Variants in NALF1 observed in about 807,000 individuals in gnomAD.
NALF1 encodes the protein family with sequence similarity 155 member A.
A neutral mutation model predicts 48.4 loss-of-function variants in NALF1; 3 were observed. That is an observed-to-expected ratio of 0.06 (90% confidence interval 0.03 to 0.16). NALF1 has a LOEUF of 0.16. Ranked by LOEUF, NALF1 falls within the 10% of genes least tolerant of loss-of-function variation. NALF1 has a pLI of 1.00. For synonymous variants in NALF1, 262 were observed against 245.7 expected (o/e 1.07, Z -0.62); for missense variants, 526 against 571.5 (o/e 0.92, Z 0.81).
At chr13:107,699,164 G>C (rs1054875505) in intron 1 of NALF1, among the ~76,000 whole-genome samples, 8 of 152,052 alleles carry the variant, frequency 5.3e-5, no homozygotes, top group African/African-American at 1.9e-4. Context: ...ATATTTCATG[G>C]AAGTAATGTT....
intron 1 of NALF1, among the ~76,000 whole-genome samples, chr13:107,450,087 C>G (rs987016612): frequency 1.3e-5 from 2 of 152,148 alleles, no homozygotes; most frequent in Non-Finnish European, 2.9e-5. Flanking sequence ...GGCCTTCTAT[C>G]ATCTGTCCCC....
At chr13:107,577,146 A>G (rs963758478) in intron 1 of NALF1, among the ~76,000 whole-genome samples, 4 of 152,186 alleles carry the variant, frequency 2.6e-5, no homozygotes, top group Non-Finnish European at 4.4e-5. Context: ...TCCATCTTCT[A>G]CCATTGACAT....
chr13:107,257,575 A>G (rs537230750), intron 1 of NALF1, among the ~76,000 whole-genome samples: 2 of 151,760 alleles, frequency 1.3e-5, no homozygotes, highest in South Asian at 4.2e-4. Context: ...TCAGAGAATC[A>G]TTGAAATGGG....
At chr13:107,295,315 T>C (rs1332298250) in intron 1 of NALF1, among the ~76,000 whole-genome samples, 1 of 152,218 alleles carries the variant, frequency 6.6e-6, no homozygotes, top group Non-Finnish European at 1.5e-5. Flanking sequence ...GCAAAGGACA[T>C]GATTTCATTA....
In NALF1 at chr13:107,866,081, G is replaced by A. The variant is rs757120301; in HGVS notation, c.516C>T (p.Tyr172=). 2.5e-6 allele frequency: 4 copies of A among 1,613,024 alleles called. No homozygotes were observed. Among genetic ancestry groups the A allele is most frequent in the Non-Finnish European group, 3.4e-6 (4 of 1,179,952 alleles). Residue 172 remains tyrosine, a synonymous_variant, in exon 1 of 3, where the codon TAC becomes TAT. Coordinates refer to ENST00000375915, the MANE Select transcript of NALF1 (RefSeq NM_001080396.3). The surrounding 1 kb of genome is among the most constrained non-coding windows in gnomAD (Gnocchi z 4.4). The part of the protein sequence containing the change: ...AKPVWRLETC[Y]PQGASSGQCF... ...ACTGGCCCGAGGACGCGCCCTGGGG[G>A]TAACAAGTCTCCAGGCGCCACACGG...
At chr13:107,334,749 T>C (rs973348671) in intron 1 of NALF1, among the ~76,000 whole-genome samples, 1 of 152,210 alleles carries the variant, frequency 6.6e-6, no homozygotes, top group Non-Finnish European at 1.5e-5. Flanking sequence ...CTGTTCACAC[T>C]AATTAGAAGC....
At position 107,738,267 on chromosome 13, in the gene NALF1, A is replaced by G. The variant is rs557444264; in HGVS notation, c.915+127415T>C. On this transcript the variant is annotated intron_variant, in intron 1 of 2. Coordinates refer to ENST00000375915, the MANE Select transcript of NALF1 (RefSeq NM_001080396.3). ...AAACACTTTCTAGAATGTTCCCCCA[A>G]TTGATATTGATTCATGCCTATGAGA... 2.0e-5 allele frequency among the ~76,000 whole-genome samples: 3 copies of G among 152,306 alleles called. No individual in the cohort carries two copies. The East Asian group carries it at 5.8e-4, about 29-fold the overall frequency.
At chr13:107,486,492 C>G (rs1885332391) in intron 1 of NALF1, among the ~76,000 whole-genome samples, 1 of 152,046 alleles carries the variant, frequency 6.6e-6, no homozygotes, top group Admixed American at 6.6e-5. Context: ...TTCCGGATCC[C>G]CACATCTCTG....
At chr13:107,865,589 G>C in intron 1 of NALF1, 93 bp downstream of exon 1, 2 of 1,496,754 alleles carry the variant, frequency 1.3e-6, no homozygotes, top group South Asian at 2.7e-5. Flanking sequence ...CAAAACCATA[G>C]CCAAAAAATA....
intron 1 of NALF1, among the ~76,000 whole-genome samples, chr13:107,265,849 CAT>C (rs1881028368): frequency 6.6e-6 from 1 of 152,010 alleles, no homozygotes; most frequent in African/African-American, 2.4e-5. Flanking sequence ...ATTATATAAA[CAT>C]AGACTAAATA....
chr13:107,680,999 TTC>T (rs1881288001), intron 1 of NALF1, among the ~76,000 whole-genome samples: 4 of 151,888 alleles, frequency 2.6e-5, no homozygotes, highest in Non-Finnish European at 5.9e-5. Flanking sequence ...TTTTTCAGTT[TTC>T]TGCCTGTTTT....
At chr13:107,676,696 G>T (rs1881134749) in intron 1 of NALF1, among the ~76,000 whole-genome samples, 1 of 151,352 alleles carries the variant, frequency 6.6e-6, no homozygotes, top group South Asian at 2.1e-4. Flanking sequence ...GAAAGGGGAA[G>T]ATATTTATCT....
At chr13:107,267,051 A>T (rs1881054868) in intron 1 of NALF1, among the ~76,000 whole-genome samples, 2 of 152,180 alleles carry the variant, frequency 1.3e-5, no homozygotes, top group Non-Finnish European at 1.5e-5. Context: ...TGAGGTCCAC[A>T]AGTCAAGTGT....
intron 1 of NALF1, among the ~76,000 whole-genome samples, chr13:107,810,802 G>C (rs1055007655): frequency 2.0e-5 from 3 of 151,964 alleles, no homozygotes; most frequent in African/African-American, 7.2e-5. Flanking sequence ...TGCAAAAAAA[G>C]TCATTCTGTG....
intron 1 of NALF1, among the ~76,000 whole-genome samples, chr13:107,768,277 A>G (rs1254865926): frequency 1.3e-5 from 2 of 152,230 alleles, no homozygotes; most frequent in South Asian, 2.1e-4. Flanking sequence ...TTCTAACATT[A>G]TGGCTCTGAC....
intron 1 of NALF1, among the ~76,000 whole-genome samples, chr13:107,560,729 T>C (rs1017132519): frequency 6.6e-6 from 1 of 152,158 alleles, no homozygotes; most frequent in Non-Finnish European, 1.5e-5. Context: ...CCCACTGGTC[T>C]ACTGGTGTTC....
In NALF1 at chr13:107,646,347, A is replaced by T. The variant is rs1478209964; in HGVS notation, c.915+219335T>A. On this transcript the variant is annotated intron_variant, in intron 1 of 2. Coordinates refer to ENST00000375915, the MANE Select transcript of NALF1 (RefSeq NM_001080396.3). ...ACAGGTAAAAACCTTTCACATTCAC[A>T]TCCTAACATAATAACAGTAGTATCT... is the stretch of plus-strand genomic sequence containing the variant. Among the ~76,000 whole-genome samples, 4 of 151,732 alleles carry T rather than the reference A, an allele frequency of 2.6e-5. No homozygotes were observed. In the East Asian group the frequency reaches 7.7e-4, roughly 29 times the overall value.
intron 1 of NALF1, among the ~76,000 whole-genome samples, chr13:107,639,006 T>G (rs1305185494): frequency 1.3e-5 from 2 of 150,800 alleles, no homozygotes; most frequent in African/African-American, 2.5e-5. Flanking sequence ...CAACAGGAGC[T>G]CAATAAAGAA....
chr13:107,339,765 T>G (rs1159515077), intron 1 of NALF1, among the ~76,000 whole-genome samples: 1 of 152,112 alleles, frequency 6.6e-6, no homozygotes, highest in African/African-American at 2.4e-5. Context: ...AACACCAATT[T>G]TCAAAAATAA....
Sources: gnomAD v4.1 joint callset for allele counts (sites outside exome capture counted in the v4.1 genomes callset) on GRCh38, gnomAD v4.1.1 for gene constraint, Gnocchi (gnomAD v3.1) non-coding constraint, MANE v1.5 for transcripts, NCBI Gene and HGNC (gene_info 2026-07-23, HGNC 2026-07-21) for gene names.